Variants in KLHL13 observed in about 807,000 individuals in gnomAD.
KLHL13 encodes kelch like family member 13, also known as kelch-like protein 13.
A neutral mutation model predicts 37.1 loss-of-function variants in KLHL13; 10 were observed. That is an observed-to-expected ratio of 0.27 (90% CI 0.17 to 0.46). KLHL13 has a LOEUF of 0.46. Among genes scored for constraint, KLHL13 ranks in the 20% least tolerant of loss-of-function variants. The pLI is 1.00. For missense variants in KLHL13, 360 were observed against 509.3 expected, an observed-to-expected ratio of 0.71 and a Z score of 2.82; for synonymous variants, 163 against 181.2, an observed-to-expected ratio of 0.90 and a Z score of 0.81.
At chrX:118,105,148 G>A (rs935713386) in intron 1 of KLHL13, among the ~76,000 whole-genome samples, 2 of 112,327 alleles carry the variant, frequency 1.8e-5, no homozygotes, top group African/African-American at 6.5e-5. Flanking sequence ...TACGTTCCTT[G>A]CTTTTCAATA....
chrX:118,053,085 A>C lies in KLHL13; in HGVS notation c.-56+63423T>G, dbSNP rs750845950. On this transcript the variant is annotated intron_variant, in intron 1 of 6. Transcript: ENST00000371882. ...AAATGTTTAATATTCATTATACATA[A>C]AATATTCTAAAAACATAACAGAAAT... Among the ~76,000 whole-genome samples, 16 of 111,846 alleles carry C rather than the reference A, an allele frequency of 1.4e-4. No individual in the cohort carries two copies. The South Asian group carries it at 5.3e-3, about 37-fold the overall frequency.
intron 1 of KLHL13, among the ~76,000 whole-genome samples, chrX:118,012,935 G>C (rs781197650): frequency 3.6e-5 from 4 of 111,727 alleles, no homozygotes; most frequent in South Asian, 3.7e-4. Flanking sequence ...TTATTCAATC[G>C]TTTATTTCTA....
intron 1 of KLHL13, among the ~76,000 whole-genome samples, chrX:117,997,031 CAT>C (rs2053862288): frequency 9.0e-6 from 1 of 111,331 alleles, no homozygotes; most frequent in African/African-American, 3.3e-5. Context: ...GTGGGCATCT[CAT>C]AGAATCCAAG....
intron 4 of KLHL13, among the ~76,000 whole-genome samples, chrX:117,914,584 C>G (rs1157665287): frequency 9.0e-5 from 10 of 111,599 alleles, no homozygotes; most frequent in Non-Finnish European, 7.5e-5. Flanking sequence ...TATCTTTTCT[C>G]AAGCCTCCTT....
chrX:117,913,643 A>G (rs1044046005), intron 4 of KLHL13, among the ~76,000 whole-genome samples: 1 of 111,635 alleles, frequency 9.0e-6, no homozygotes, highest in Non-Finnish European at 1.9e-5. Flanking sequence ...CAGGAGATCG[A>G]GACCATCTTG....
intron 1 of KLHL13, among the ~76,000 whole-genome samples, chrX:118,010,761 T>A: frequency 9.1e-6 from 1 of 109,473 alleles, no homozygotes. Flanking sequence ...AAAGAGTCAA[T>A]GCTAGGGGAG....
chrX:118,040,998 G>A (rs1335825748), intron 1 of KLHL13, among the ~76,000 whole-genome samples: 3 of 111,630 alleles, frequency 2.7e-5, no homozygotes, highest in Non-Finnish European at 5.6e-5. Flanking sequence ...GAGAAATAAA[G>A]ACCTTCCTTG....
At chrX:118,031,729 C>T (rs757999830) in intron 1 of KLHL13, among the ~76,000 whole-genome samples, 80 of 103,899 alleles carry the variant, frequency 7.7e-4, no homozygotes, top group African/African-American at 2.5e-3. Flanking sequence ...TGAAAATTAG[C>T]GGAGGGAGCC....
intron 4 of KLHL13, among the ~76,000 whole-genome samples, chrX:117,918,187 A>C (rs747286462): frequency 8.9e-6 from 1 of 111,826 alleles, no homozygotes; most frequent in African/African-American, 3.2e-5. Context: ...TGCCATAAAA[A>C]CCCTTAAAAG....
chrX:117,927,121 C>T (rs1200488833), intron 2 of KLHL13, among the ~76,000 whole-genome samples: 1 of 108,849 alleles, frequency 9.2e-6, no homozygotes, highest in Non-Finnish European at 1.9e-5. Context: ...CCAGGATGGT[C>T]TTGATCTCCT....
At chrX:117,948,130 C>T (rs182023693) in intron 1 of KLHL13, among the ~76,000 whole-genome samples, 1 of 101,400 alleles carries the variant, frequency 9.9e-6, no homozygotes, top group East Asian at 2.8e-4. Context: ...AAACATCCTA[C>T]AAAACAGGAC....
rs749739999 is a variant in KLHL13, at chrX:117,948,495, T to C, written c.99-2920A>G. ...TTTACATAAGCTCATGTAAGAATAA[T>C]AATTTCCTAAATCTGCATAAAACAG... On this transcript the variant is annotated intron_variant, in intron 1 of 6. Coordinates refer to ENST00000262820, the Ensembl canonical transcript of KLHL13. 7.1e-5 allele frequency among the ~76,000 whole-genome samples: 8 copies of C among 111,988 alleles called. No individual in the cohort carries two copies. In the South Asian group the frequency reaches 3.0e-3, roughly 42 times the overall value.
chrX:118,099,770 G>A (rs1221115066), intron 1 of KLHL13, among the ~76,000 whole-genome samples: 2 of 109,196 alleles, frequency 1.8e-5, no homozygotes, highest in African/African-American at 6.7e-5. Flanking sequence ...TGGTGCCACT[G>A]CACTCCAGCC....
At chrX:117,903,013 G>A (rs1451019515) in intron 5 of KLHL13, among the ~76,000 whole-genome samples, 2 of 109,933 alleles carry the variant, frequency 1.8e-5, no homozygotes, top group Non-Finnish European at 3.8e-5. Flanking sequence ...AGTTTATTGA[G>A]TAGGACAATT....
chrX:117,975,177 T>TACACATACACACACACAC (rs1556327645), upstream of KLHL13, among the ~76,000 whole-genome samples: 181 of 103,285 alleles, frequency 1.8e-3, 1 homozygote, highest in African/African-American at 6.1e-3. Flanking sequence ...GAGAAATACA[T>TACACATACACACACACAC]ACACACACAC....
intron 4 of KLHL13, among the ~76,000 whole-genome samples, chrX:117,917,481 A>G (rs1931440674): frequency 8.9e-6 from 1 of 112,126 alleles, no homozygotes. Context: ...ACATTTCTAA[A>G]TTGTTAAACA....
At chrX:118,062,545 T>A (rs1426522777) in intron 1 of KLHL13, among the ~76,000 whole-genome samples, 1 of 110,654 alleles carries the variant, frequency 9.0e-6, no homozygotes, top group Non-Finnish European at 1.9e-5. Context: ...ACTTTTTGTT[T>A]TAAAAAAAAA....
intron 1 of KLHL13, among the ~76,000 whole-genome samples, chrX:118,025,389 C>T (rs1373333907): frequency 9.0e-6 from 1 of 111,560 alleles, no homozygotes; most frequent in Non-Finnish European, 1.9e-5. Flanking sequence ...TTACACTATC[C>T]TACTTCACTC....
At chrX:118,072,454 G>T (rs1260816255) in intron 1 of KLHL13, among the ~76,000 whole-genome samples, 7 of 111,912 alleles carry the variant, frequency 6.3e-5, no homozygotes, top group Non-Finnish European at 9.4e-5. Flanking sequence ...CAAAAGCAAT[G>T]GCAACAAAAG....
Sources: gnomAD v4.1 joint callset for allele counts (sites outside exome capture counted in the v4.1 genomes callset) on GRCh38, gnomAD v4.1.1 for gene constraint, MANE v1.5 for transcripts, NCBI Gene and HGNC (gene_info 2026-07-23, HGNC 2026-07-21) for gene names.